The following LYAR variants were observed in gnomAD, a reference collection of about 807,000 sequenced individuals.
The protein encoded by LYAR is cell growth-regulating nucleolar protein.
A neutral mutation model predicts 45.2 loss-of-function variants in LYAR; 37 were observed. The observed-to-expected ratio is 0.82, with a 90% confidence interval of 0.63 to 1.08. The LOEUF (loss-of-function observed/expected upper bound fraction) is 1.08, where lower values mean the gene tolerates loss of function less well. Among genes scored for constraint, LYAR ranks in the 50% least tolerant of loss-of-function variants. The probability of loss-of-function intolerance (pLI) is 0.00; values close to 1 mark genes in which losing one functional copy is unlikely to be tolerated. For missense variants in LYAR, 493 were observed against 451.0 expected, an observed-to-expected ratio of 1.09 and a Z score of -0.84; for synonymous variants, 176 against 155.1, an observed-to-expected ratio of 1.14 and a Z score of -1.00.
Position 4,283,683 on chromosome 4 carries a change from CT to C in LYAR, c.59del (p.Lys20SerfsTer30). ...CACAGTTTCTGCAAACAGACACATGCTTTTCCACTTGTATTTTCTTCACTGA... is the reference window on the plus strand; with the variant it reads ...CACAGTTTCTGCAAACAGACACATGCTTTCCACTTGTATTTTCTTCACTGA... ...GESVKKIQVE[K>X]HVSVCRNCEC... On this transcript the variant is annotated frameshift_variant, in exon 3 of 10. Transcript: ENST00000343470. LOFTEE classifies it high-confidence loss of function. 6.2e-7 allele frequency: 1 copy of C among 1,612,880 alleles called. No homozygotes were observed. The highest frequency in any genetic ancestry group is 8.5e-7 in the Non-Finnish European group (1 of 1,179,656).
intron 6 of LYAR, among the ~76,000 whole-genome samples, chr4:4,276,603 T>C (rs1431137480): frequency 6.7e-6 from 1 of 149,502 alleles, no homozygotes; most frequent in Admixed American, 6.7e-5. Context: ...ATGCTTGTAA[T>C]CCCAGCACTT....
chr4:4,274,512 A>T lies in LYAR; in HGVS notation c.687T>A (p.Ala229=). The change falls in exon 7 of 10, where the codon GCT becomes GCA. Residue 229 remains alanine (A), a synonymous_variant. Coordinates refer to ENST00000343470, the MANE Select transcript of LYAR (RefSeq NM_017816.3). ...CTTCCTCCCCACCAGCCTCAAGGTC[A>T]GCCTCCTGTCCCTTTTTGCGCTTCT... ...KPKKRKKGQE[A]DLEAGGEEVP... is the part of the protein sequence containing the mutation. 1 of 1,614,144 alleles carries T rather than the reference A, an allele frequency of 6.2e-7. No individual in the cohort carries two copies. Among genetic ancestry groups the T allele is most frequent in the Non-Finnish European group, 8.5e-7 (1 of 1,180,028 alleles).
chr4:4,282,046 T>A, intron 3 of LYAR, 149 bp from the exon 4 acceptor site: 1 of 593,122 alleles, frequency 1.7e-6, no homozygotes, highest in South Asian at 2.2e-5. Context: ...ACTTATTATG[T>A]TTACAGCCTC....
At chr4:4,278,616 C>T (rs1006607213) in intron 6 of LYAR, among the ~76,000 whole-genome samples, 1 of 152,164 alleles carries the variant, frequency 6.6e-6, no homozygotes, top group Non-Finnish European at 1.5e-5. Flanking sequence ...ACGTCCTCAC[C>T]CTGTTTTATT....
chr4:4,287,975 GTCT>G (rs1719680473), intron 1 of LYAR, among the ~76,000 whole-genome samples: 1 of 152,190 alleles, frequency 6.6e-6, no homozygotes, highest in African/African-American at 2.4e-5. Flanking sequence ...GAACTTGTTA[GTCT>G]TCTCTTAACA....
At chr4:4,287,297 G>A (rs1277973468) in intron 1 of LYAR, among the ~76,000 whole-genome samples, 3 of 152,124 alleles carry the variant, frequency 2.0e-5, no homozygotes, top group Non-Finnish European at 2.9e-5. Context: ...AGCATACTTC[G>A]GTTCTTGCTC....
At chr4:4,280,512 C>G (rs1190248799) in intron 4 of LYAR, among the ~76,000 whole-genome samples, 1 of 152,150 alleles carries the variant, frequency 6.6e-6, no homozygotes, top group East Asian at 1.9e-4. Flanking sequence ...CTCATATTTT[C>G]TGATTTCAAA....
intron 3 of LYAR, 62 bp downstream of exon 3, chr4:4,283,559 G>T: frequency 3.9e-6 from 6 of 1,535,550 alleles, no homozygotes; most frequent in Non-Finnish European, 2.6e-6. Context: ...GCTTTGTGGC[G>T]CCAAGGCTTC....
intron 7 of LYAR, among the ~76,000 whole-genome samples, chr4:4,274,033 C>T (rs752908693): frequency 1.3e-5 from 2 of 152,080 alleles, no homozygotes; most frequent in Non-Finnish European, 2.9e-5. Flanking sequence ...GGTCAGGAGT[C>T]CGAGACCAGC....
intron 4 of LYAR, among the ~76,000 whole-genome samples, chr4:4,280,707 A>C (rs1719361299): frequency 6.6e-6 from 1 of 152,196 alleles, no homozygotes; most frequent in African/African-American, 2.4e-5. Context: ...GCTGGTCACC[A>C]GTGCAAACAG....
In LYAR at chr4:4,274,742, G is replaced by A. The variant is rs139524971; in HGVS notation, c.457C>T (p.Arg153Trp). 57 of 1,608,260 alleles carry A rather than the reference G, an allele frequency of 3.5e-5. No individual in the cohort carries two copies. The highest frequency in any genetic ancestry group is 4.7e-5 in the Non-Finnish European group (55 of 1,178,644). Reference protein sequence around the residue: ...SEPVNKEQDQRPLHPVANPHA... With the variant: ...SEPVNKEQDQWPLHPVANPHA... ...GGATTTGCCACTGGGTGGAGTGGCC[G>A]TTGATCCTGTTCCTTATTGACTGGT... Residue 153 changes from arginine to tryptophan, a missense_variant, in exon 7 of 10, where the codon CGG becomes TGG. Coordinates refer to ENST00000343470, the MANE Select transcript of LYAR (RefSeq NM_017816.3).
chr4:4,279,765 A>G lies in LYAR; in HGVS notation c.238-16T>C, dbSNP rs781769626. On this transcript the variant is annotated splice_polypyrimidine_tract_variant and intron_variant, in intron 4 of 9. Coordinates refer to ENST00000343470, the MANE Select transcript of LYAR (RefSeq NM_017816.3). Reference sequence around the variant, plus strand: ...CACTAATTTTCTACAAAAAGGGAAGAAAAAAGAAAAACTATTAATAAACAA... The same window carrying G: ...CACTAATTTTCTACAAAAAGGGAAGGAAAAAGAAAAACTATTAATAAACAA... 2.7e-4 allele frequency: 399 copies of G among 1,498,562 alleles called. No individual in the cohort carries two copies. The highest frequency in any genetic ancestry group is 3.4e-4 in the Non-Finnish European group (367 of 1,087,990). The allele number at this position is 1,498,562 out of a possible 1,614,324, so 92.8% of individuals were successfully genotyped here.
At position 4,281,948 on chromosome 4, in the gene LYAR, C is replaced by T. The variant is rs201078974; in HGVS notation, c.123-51G>A. 9.3e-5 allele frequency: 109 copies of T among 1,173,508 alleles called. 2 individuals are homozygous for T. The Admixed American group carries it at 1.4e-3, about 15-fold the overall frequency. The allele number at this position is 1,173,508 out of a possible 1,614,324, so 72.7% of individuals were successfully genotyped here. ...ATTAGACTGATACCCAAGTTGGAGG[C>T]GCTAATACCAGCATGCTGCCACTAT... On this transcript the variant is annotated intron_variant, in intron 3 of 9. Coordinates refer to ENST00000343470, the MANE Select transcript of LYAR (RefSeq NM_017816.3).
intron 8 of LYAR, among the ~76,000 whole-genome samples, chr4:4,272,944 A>G (rs1344595012): frequency 2.6e-5 from 4 of 152,198 alleles, no homozygotes; most frequent in Non-Finnish European, 5.9e-5. Flanking sequence ...GGCCTGAAGA[A>G]GCAGGAGAGA....
intron 4 of LYAR, among the ~76,000 whole-genome samples, chr4:4,280,765 A>C (rs965444957): frequency 6.6e-6 from 1 of 152,226 alleles, no homozygotes; most frequent in Non-Finnish European, 1.5e-5. Context: ...TTGTGAACAG[A>C]AATACCCTCC....
intron 6 of LYAR, among the ~76,000 whole-genome samples, chr4:4,276,615 G>C (rs1719188971): frequency 6.6e-6 from 1 of 151,834 alleles, no homozygotes; most frequent in South Asian, 2.1e-4. Flanking sequence ...CCAGCACTTT[G>C]GGAGGCCGAG....
rs1416020496 is a variant in LYAR at position 4,274,739 on chromosome 4, G to GC, written c.459dup (p.Pro154AlafsTer35). The GC allele has an allele frequency of 5.0e-6, 8 of 1,610,256 alleles. No individual in the cohort carries two copies. Among genetic ancestry groups the GC allele is most frequent in the Non-Finnish European group, 6.8e-6 (8 of 1,179,130 alleles). On this transcript the variant is annotated frameshift_variant, in exon 7 of 10. Coordinates refer to ENST00000343470, the MANE Select transcript of LYAR (RefSeq NM_017816.3). LOFTEE classifies it high-confidence loss of function. ...TGTGGATTTGCCACTGGGTGGAGTG[G>GC]CCGTTGATCCTGTTCCTTATTGACT...
At chr4:4,274,045 A>T (rs1336152077) in intron 7 of LYAR, among the ~76,000 whole-genome samples, 2 of 152,106 alleles carry the variant, frequency 1.3e-5, no homozygotes, top group African/African-American at 4.8e-5. Flanking sequence ...GAGACCAGCC[A>T]GGCTAACATG....
Position 4,279,515 on chromosome 4 carries a change from T to C in LYAR, c.361A>G (p.Ser121Gly), listed in dbSNP as rs1719313435. The change falls in exon 6 of 10, where the codon AGT (serine) becomes GGT (glycine). Residue 121 changes from serine to glycine, a missense_variant. Transcript: ENST00000343470. ...ATGGATTCATTATGAACTTTTAAAC[T>C]GTTCTTCATCCAATTCTGTAAGAAA... ...KAKFQNWMKN[S>G]LKVHNESILD... 11 of 1,611,460 alleles carry C rather than the reference T, an allele frequency of 6.8e-6. No individual in the cohort carries two copies. The highest frequency in any genetic ancestry group is 9.3e-6 in the Non-Finnish European group (11 of 1,177,578).
Sources: allele counts gnomAD v4.1 joint callset (sites outside exome capture counted in the v4.1 genomes callset), GRCh38; gene constraint gnomAD v4.1.1; transcripts MANE v1.5; gene names NCBI Gene and HGNC (gene_info 2026-07-23, HGNC 2026-07-21).